Variants in ZMIZ1 observed in about 807,000 individuals in gnomAD.
ZMIZ1 encodes the protein zinc finger MIZ-type containing 1, also known as zinc finger MIZ domain-containing protein 1.
ZMIZ1 carries 17 observed loss-of-function variants against 113.9 expected under a neutral mutation model. The observed-to-expected ratio is 0.15, with a 90% CI of 0.10 to 0.22. ZMIZ1 has a LOEUF of 0.22. Among genes scored for constraint, ZMIZ1 ranks in the 10% least tolerant of loss-of-function variants. ZMIZ1 has a pLI of 1.00. For synonymous variants in ZMIZ1, 607 were observed against 603.1 expected (o/e 1.01, Z -0.09); for missense variants, 1,059 against 1,477.8 (o/e 0.72, Z 4.65).
At chr10:79,161,876 C>T (rs1051209185) in intron 3 of ZMIZ1, among the ~76,000 whole-genome samples, 177 bp from the exon 4 acceptor site, 1 of 152,178 alleles carries the variant, frequency 6.6e-6, no homozygotes, top group Non-Finnish European at 1.5e-5. Context: ...ATCACATAAC[C>T]AGTAACTGGC....
chr10:79,269,456 A>AACACACAC (rs55634343), intron 7 of ZMIZ1, among the ~76,000 whole-genome samples: 4,328 of 138,460 alleles, frequency 0.031, 115 homozygotes, highest in South Asian at 0.081. Flanking sequence ...ACCTCCCCCC[A>AACACACAC]ACACACACAC....
rs965536390 is a variant in ZMIZ1, at chr10:79,296,177, G to C, written c.1231-294G>C. 2.2e-6 allele frequency: 1 copy of C among 448,908 alleles called. No individual in the cohort carries two copies. The highest frequency in any genetic ancestry group is 2.0e-5 in the African/African-American group (1 of 48,814). 27.8% of individuals were successfully genotyped at this position (448,908 alleles called of 1,614,324 possible). ...ACAAAGGTCGGGGGAGTTAGAATCAGGCCCCTCATAATGGTGTGAGCAAGA... is the reference window on the plus strand; with the variant it reads ...ACAAAGGTCGGGGGAGTTAGAATCACGCCCCTCATAATGGTGTGAGCAAGA... On this transcript the variant is annotated intron_variant, in intron 12 of 24. Transcript: ENST00000334512. The surrounding 1 kb of genome is among the most constrained non-coding windows in gnomAD (Gnocchi z 4.1).
At chr10:79,079,730 C>A (rs1261802867) in intron 1 of ZMIZ1, among the ~76,000 whole-genome samples, 1 of 152,194 alleles carries the variant, frequency 6.6e-6, no homozygotes, top group Non-Finnish European at 1.5e-5. Flanking sequence ...ATCTTGTCCT[C>A]TGTGAGACCT....
chr10:79,269,307 C>T (rs924515287), intron 7 of ZMIZ1, among the ~76,000 whole-genome samples: 8 of 152,138 alleles, frequency 5.3e-5, no homozygotes, highest in Non-Finnish European at 1.0e-4. Flanking sequence ...CACTTGCCAC[C>T]TGCCAGGGCA....
At chr10:79,303,454 C>CAAAA (rs34154193) in intron 18 of ZMIZ1, among the ~76,000 whole-genome samples, 47 of 65,694 alleles carry the variant, frequency 7.2e-4, no homozygotes, top group East Asian at 1.8e-3. Flanking sequence ...GACACTGCCA[C>CAAAA]AAAAAAAAAA....
intron 23 of ZMIZ1, among the ~76,000 whole-genome samples, chr10:79,309,968 G>A (rs540790319): frequency 6.6e-6 from 1 of 152,312 alleles, no homozygotes; most frequent in African/African-American, 2.4e-5. Flanking sequence ...TCACTTTGAA[G>A]GAGGATCTGC....
chr10:79,084,782 CGG>C (rs1842758259), intron 1 of ZMIZ1, among the ~76,000 whole-genome samples: 1 of 139,282 alleles, frequency 7.2e-6, no homozygotes, highest in Admixed American at 7.5e-5. Context: ...CTAGGGTCAG[CGG>C]CTGGGCTGGC....
chr10:79,235,165 G>T (rs1849538377), intron 7 of ZMIZ1, among the ~76,000 whole-genome samples: 1 of 152,246 alleles, frequency 6.6e-6, no homozygotes, highest in Admixed American at 6.5e-5. Context: ...AGCCCCTGGA[G>T]GTGGGGGACA....
At chr10:79,180,862 C>T (rs953863996) in intron 4 of ZMIZ1, among the ~76,000 whole-genome samples, 2 of 152,256 alleles carry the variant, frequency 1.3e-5, no homozygotes, top group African/African-American at 4.8e-5. Context: ...GTCTTCGGGG[C>T]CAGCACACCT....
At chr10:79,195,855 T>TTTCC (rs1175318190) in intron 4 of ZMIZ1, among the ~76,000 whole-genome samples, 1 of 152,208 alleles carries the variant, frequency 6.6e-6, no homozygotes, top group Non-Finnish European at 1.5e-5. Context: ...GCCCAGCAGC[T>TTTCC]TTCCGGCTGT....
At chr10:79,183,589 C>T (rs1589389952) in intron 4 of ZMIZ1, among the ~76,000 whole-genome samples, 1 of 152,048 alleles carries the variant, frequency 6.6e-6, no homozygotes, top group Non-Finnish European at 1.5e-5. Context: ...ACATGGGTTA[C>T]GAGCGTGAGC....
At chr10:79,073,424 T>C (rs1320962923) in intron 1 of ZMIZ1, among the ~76,000 whole-genome samples, 3 of 152,198 alleles carry the variant, frequency 2.0e-5, no homozygotes, top group Admixed American at 2.0e-4. Flanking sequence ...CAGTCTTGGC[T>C]TGCATGCCCC....
intron 1 of ZMIZ1, among the ~76,000 whole-genome samples, chr10:79,114,835 T>A (rs1843952626): frequency 6.6e-6 from 1 of 152,138 alleles, no homozygotes; most frequent in Admixed American, 6.5e-5. Flanking sequence ...GTAAGGCTGC[T>A]GCCCGGGTGG....
At chr10:79,307,680 T>G in intron 23 of ZMIZ1, 109 bp downstream of exon 23, 1 of 1,294,246 alleles carries the variant, frequency 7.7e-7, no homozygotes, top group Non-Finnish European at 1.1e-6. Flanking sequence ...AAGAATTGGG[T>G]GTGTGGGCTC....
chr10:79,223,711 G>A (rs1376406932), intron 7 of ZMIZ1, among the ~76,000 whole-genome samples: 1 of 152,262 alleles, frequency 6.6e-6, no homozygotes, highest in African/African-American at 2.4e-5. Context: ...GGTGCTGGAA[G>A]CAGGTCTGAT....
intron 1 of ZMIZ1, among the ~76,000 whole-genome samples, chr10:79,091,054 A>G (rs1842970251): frequency 6.6e-6 from 1 of 152,132 alleles, no homozygotes; most frequent in Non-Finnish European, 1.5e-5. Context: ...TTGAGCCCAG[A>G]TGAATTAATC....
chr10:79,208,220 C>G, intron 5 of ZMIZ1, 116 bp from the exon 6 acceptor site: 1 of 804,346 alleles, frequency 1.2e-6, no homozygotes, highest in East Asian at 2.6e-5. Context: ...CCCTTTACCC[C>G]TTTCTGTGAA....
At position 79,216,192 on chromosome 10, in the gene ZMIZ1, GC is replaced by G; in HGVS notation, c.199del (p.Gln67LysfsTer66). 1 of 1,531,098 alleles carries G rather than the reference GC, an allele frequency of 6.5e-7. No homozygotes were observed. Among genetic ancestry groups the G allele is most frequent in the Non-Finnish European group, 8.8e-7 (1 of 1,134,698 alleles). The allele number at this position is 1,531,098 out of a possible 1,614,324, so 94.8% of individuals were successfully genotyped here. On this transcript the variant is annotated frameshift_variant, in exon 7 of 25. Coordinates refer to ENST00000334512, the MANE Select transcript of ZMIZ1 (RefSeq NM_020338.4). LOFTEE classifies it high-confidence loss of function. The stretch of plus-strand genomic sequence containing the variant: ...AGGTGGTCAGTCGGGTGGCAGCCCA[GC>G]AAGGCTTTGACCTGGACCTCGGCTA... ...LTVVSRVAAQ[Q>X]GFDLDLGYRL...
intron 1 of ZMIZ1, among the ~76,000 whole-genome samples, chr10:79,071,844 G>A (rs145588625): frequency 1.8e-3 from 274 of 152,246 alleles, no homozygotes; most frequent in Non-Finnish European, 3.1e-3. Flanking sequence ...ATTTTCGGTT[G>A]GGTTTTGTTT....
Sources: gnomAD v4.1 joint callset for allele counts (sites outside exome capture counted in the v4.1 genomes callset) on GRCh38, gnomAD v4.1.1 for gene constraint, Gnocchi (gnomAD v3.1) non-coding constraint, MANE v1.5 for transcripts, NCBI Gene and HGNC (gene_info 2026-07-23, HGNC 2026-07-21) for gene names.